Variants in CNOT2 observed in about 807,000 individuals in gnomAD.
CNOT2 encodes the protein CC chemokine receptor 4-negative regulator of transcription 2.
CNOT2 carries 7 observed loss-of-function variants against 72.1 expected under a neutral mutation model. The observed-to-expected ratio is 0.10, with a 90% CI of 0.06 to 0.18. CNOT2 has a LOEUF of 0.18. Ranked by LOEUF, CNOT2 falls within the 10% of genes least tolerant of loss-of-function variation. The pLI is 1.00. For missense variants in CNOT2, 345 were observed against 660.3 expected, an observed-to-expected ratio of 0.52 and a Z score of 5.23; for synonymous variants, 196 against 225.6, an observed-to-expected ratio of 0.87 and a Z score of 1.17.
intron 15 of CNOT2, among the ~76,000 whole-genome samples, chr12:70,347,062 A>C (rs1052775327): frequency 5.8e-5 from 7 of 120,764 alleles, no homozygotes; most frequent in African/African-American, 1.8e-4. Context: ...TGATTTCACA[A>C]CTCCATGATT....
chr12:70,244,180 C>A (rs1357889445), intron 1 of CNOT2: 1 of 152,270 alleles, frequency 6.6e-6, no homozygotes, highest in African/African-American at 2.4e-5. Context: ...TCTGCCACCG[C>A]ACCAGGAAGG....
intron 1 of CNOT2, among the ~76,000 whole-genome samples, chr12:70,247,117 A>G (rs1458137239): frequency 6.6e-6 from 1 of 151,240 alleles, no homozygotes; most frequent in Non-Finnish European, 1.5e-5. Context: ...ATATAGTTAG[A>G]TATTTTGGAC....
intron 1 of CNOT2, chr12:70,244,240 G>A (rs1364258518): frequency 6.6e-6 from 1 of 152,188 alleles, no homozygotes; most frequent in Non-Finnish European, 1.5e-5. Flanking sequence ...CTGGGGCGGC[G>A]GAGGAACCAC....
intron 2 of CNOT2, 198 bp downstream of exon 2, chr12:70,278,472 T>A (rs539485054): frequency 4.3e-6 from 2 of 463,494 alleles, no homozygotes; most frequent in Non-Finnish European, 7.6e-6. Flanking sequence ...ATATTCATAA[T>A]GTATATTTTT....
chr12:70,271,721 A>C (rs971581470), intron 1 of CNOT2, among the ~76,000 whole-genome samples: 1 of 152,140 alleles, frequency 6.6e-6, no homozygotes, highest in Non-Finnish European at 1.5e-5. Context: ...TTGGACAACT[A>C]TGGTGGTCAC....
At position 70,267,269 on chromosome 12, in the gene CNOT2, C is replaced by G. The variant is rs73339592; in HGVS notation, c.-95-10863C>G. On this transcript the variant is annotated intron_variant, in intron 1 of 15. Coordinates refer to ENST00000229195, the MANE Select transcript of CNOT2 (RefSeq NM_014515.7). ...CAAGGTATCATCAGGGCCGTAAATC[C>G]TTTGAAGGGTATAGAGAAGAAACCT... Among the ~76,000 whole-genome samples, 616 of 152,180 alleles carry G rather than the reference C, an allele frequency of 4.0e-3. 3 individuals carry two copies. The highest frequency in any genetic ancestry group is 0.014 in the African/African-American group (563 of 41,502).
intron 1 of CNOT2, among the ~76,000 whole-genome samples, chr12:70,258,394 A>G (rs1958560690): frequency 6.6e-6 from 1 of 152,198 alleles, no homozygotes; most frequent in African/African-American, 2.4e-5. Context: ...TGTTAAAATC[A>G]GATTGTATTT....
At chr12:70,277,742 A>G (rs1869096468) in intron 1 of CNOT2, among the ~76,000 whole-genome samples, 1 of 152,210 alleles carries the variant, frequency 6.6e-6, no homozygotes, top group African/African-American at 2.4e-5. Context: ...AAGGATTTAT[A>G]GTTAAATGAT....
intron 10 of CNOT2, 39 bp from the exon 11 acceptor site, chr12:70,338,627 T>G (rs1881028637): frequency 1.2e-5 from 19 of 1,596,288 alleles, no homozygotes; most frequent in Admixed American, 1.8e-5. Flanking sequence ...TTTTTAACTT[T>G]TTCTTGAAAA....
chr12:70,346,228 C>T lies in CNOT2; in HGVS notation c.1440C>T (p.Thr480=), dbSNP rs1166444002. The T allele has an allele frequency of 6.2e-7, 1 of 1,605,618 alleles. No individual in the cohort carries two copies. Among genetic ancestry groups the T allele is most frequent in the East Asian group, 2.2e-5 (1 of 44,786 alleles). ...ACAAAGAAGAACGAGTATGGATTACCAGGGCACCAGGCATGGAGCCAACAA... is the reference window on the plus strand; with the variant it reads ...ACAAAGAAGAACGAGTATGGATTACTAGGGCACCAGGCATGGAGCCAACAA... The part of the protein sequence containing the change: ...RYHKEERVWI[T]RAPGMEPTMK... The change falls in exon 15 of 16, where the codon ACC becomes ACT. Residue 480 remains threonine, a synonymous_variant. Transcript: ENST00000229195.
chr12:70,243,828 A>T (rs1792357750), intron 1 of CNOT2: 1 of 152,086 alleles, frequency 6.6e-6, no homozygotes. Flanking sequence ...GGGCTTCCCC[A>T]GACTCCACTC....
At position 70,344,072 on chromosome 12, in the gene CNOT2, T is replaced by C. The variant is rs2272182; in HGVS notation, c.1291-56T>C. The C allele has an allele frequency of 6.1e-5, 73 of 1,190,214 alleles. No homozygotes were observed. The East Asian group carries it at 1.7e-3, about 28-fold the overall frequency. The allele number at this position is 1,190,214 out of a possible 1,614,324, so 73.7% of individuals were successfully genotyped here. ...TTTTTCTTTAGTAGTAGCAACTATA[T>C]ATTAGGATTTGCAGATTTGTTTTAT... On this transcript the variant is annotated intron_variant, in intron 13 of 15. Coordinates refer to ENST00000229195, the MANE Select transcript of CNOT2 (RefSeq NM_014515.7).
chr12:70,291,746 G>C (rs1384322413), intron 2 of CNOT2, among the ~76,000 whole-genome samples: 1 of 152,034 alleles, frequency 6.6e-6, no homozygotes, highest in African/African-American at 2.4e-5. Flanking sequence ...GACCAGCCTG[G>C]CTAACACGGT....
intron 4 of CNOT2, among the ~76,000 whole-genome samples, chr12:70,319,641 G>A (rs1303102800): frequency 1.3e-5 from 2 of 151,456 alleles, no homozygotes; most frequent in African/African-American, 4.8e-5. Context: ...TGAAGAATTT[G>A]CTAAACTAAA....
intron 3 of CNOT2, among the ~76,000 whole-genome samples, chr12:70,318,147 A>G (rs938881646): frequency 1.3e-5 from 2 of 151,974 alleles, no homozygotes; most frequent in Non-Finnish European, 2.9e-5. Flanking sequence ...CATTTCTGCT[A>G]TTAGAGGTAT....
intron 1 of CNOT2, among the ~76,000 whole-genome samples, chr12:70,247,251 G>A (rs1273806709): frequency 2.6e-5 from 4 of 151,344 alleles, no homozygotes; most frequent in Non-Finnish European, 4.4e-5. Context: ...TACCACCTCC[G>A]CCTCCCGGGT....
intron 1 of CNOT2, chr12:70,244,180 C>T (rs1357889445): frequency 6.6e-6 from 1 of 152,270 alleles, no homozygotes; most frequent in Non-Finnish European, 1.5e-5. Flanking sequence ...TCTGCCACCG[C>T]ACCAGGAAGG....
intron 15 of CNOT2, chr12:70,346,598 TA>T (rs1387589236): frequency 4.0e-6 from 1 of 249,636 alleles, no homozygotes; most frequent in East Asian, 7.8e-5. Context: ...TACTGCTTTG[TA>T]AAATAAAGAT....
chr12:70,323,789 A>G (rs1481455064), intron 4 of CNOT2: 3 of 151,718 alleles, frequency 2.0e-5, no homozygotes, highest in East Asian at 3.9e-4. Context: ...ATAGAATAAC[A>G]TTTTCCACCA....
Sources: gnomAD v4.1 joint callset for allele counts (sites outside exome capture counted in the v4.1 genomes callset) on GRCh38, gnomAD v4.1.1 for gene constraint, MANE v1.5 for transcripts, NCBI Gene and HGNC (gene_info 2026-07-23, HGNC 2026-07-21) for gene names.